Variants in PITPNM2 observed in about 807,000 individuals in gnomAD.
PITPNM2 encodes membrane-associated phosphatidylinositol transfer protein 2.
PITPNM2 carries 35 observed loss-of-function variants against 132.2 expected under a neutral mutation model. That is an observed-to-expected ratio of 0.26 (90% confidence interval 0.20 to 0.35). PITPNM2 has a LOEUF of 0.35. PITPNM2 is among the 10% of genes least tolerant of loss of function. The pLI is 1.00. For synonymous variants in PITPNM2, 738 were observed against 799.2 expected (o/e 0.92, Z 1.29); for missense variants, 1,332 against 1,912.0 (o/e 0.70, Z 5.66).
At chr12:123,038,520 AG>A (rs2136503251) in intron 2 of PITPNM2, among the ~76,000 whole-genome samples, 1 of 152,368 alleles carries the variant, frequency 6.6e-6, no homozygotes, top group East Asian at 1.9e-4. Context: ...AAACAAGATA[AG>A]TTGCTCAGTC....
At chr12:123,107,045 T>C (rs1460559560) in intron 2 of PITPNM2, among the ~76,000 whole-genome samples, 1 of 150,974 alleles carries the variant, frequency 6.6e-6, no homozygotes, top group Non-Finnish European at 1.5e-5. Flanking sequence ...GAGGTGGGGA[T>C]GGGGGTACAG....
In PITPNM2 at chr12:123,005,155, A is replaced by C; in HGVS notation, c.952+85T>G. 6.8e-7 allele frequency: 1 copy of C among 1,460,454 alleles called. No individual in the cohort carries two copies. Among genetic ancestry groups the C allele is most frequent in the African/African-American group, 1.4e-5 (1 of 71,016 alleles). 90.5% of individuals were successfully genotyped at this position (1,460,454 alleles called of 1,614,324 possible). ...TCAATGTCCATGGGAAAGAACTCTGAGGAGGTGCAGTGATCCAGCAGTGTG... is the reference window on the plus strand; with the variant it reads ...TCAATGTCCATGGGAAAGAACTCTGCGGAGGTGCAGTGATCCAGCAGTGTG... On this transcript the variant is annotated intron_variant, in intron 7 of 25. Transcript: ENST00000320201. This position sits in a 1 kb window ranked among gnomAD's most constrained non-coding sequence, Gnocchi z 6.2.
chr12:123,113,017 A>G (rs1407422261), intron 1 of PITPNM2, among the ~76,000 whole-genome samples: 1 of 152,244 alleles, frequency 6.6e-6, no homozygotes, highest in Admixed American at 6.5e-5. Flanking sequence ...CTGTTTCTCT[A>G]TATGATTCCT....
At chr12:123,021,029 C>CAAAAAA (rs910751492) in intron 3 of PITPNM2, among the ~76,000 whole-genome samples, 3 of 25,266 alleles carry the variant, frequency 1.2e-4, no homozygotes, top group Non-Finnish European at 2.9e-4. Context: ...AATTCCATCT[C>CAAAAAA]AAAAAAAAAA....
chr12:123,032,735 G>A (rs1566258222), intron 3 of PITPNM2, among the ~76,000 whole-genome samples: 1 of 152,168 alleles, frequency 6.6e-6, no homozygotes, highest in Non-Finnish European at 1.5e-5. Context: ...CCTTGAACAC[G>A]CTGAGCTATT....
chr12:123,061,299 C>T (rs748210927), intron 2 of PITPNM2, among the ~76,000 whole-genome samples: 3 of 152,226 alleles, frequency 2.0e-5, no homozygotes, highest in Non-Finnish European at 2.9e-5. Flanking sequence ...TGACAAGGCA[C>T]GGTCTATGCA....
intron 1 of PITPNM2, among the ~76,000 whole-genome samples, chr12:123,140,646 T>C (rs1173309184): frequency 6.6e-6 from 1 of 151,940 alleles, no homozygotes; most frequent in African/African-American, 2.4e-5. Flanking sequence ...AGTCTGAACG[T>C]TGTTCTCCCT....
chr12:122,995,349 C>T, intron 14 of PITPNM2, 40 bp downstream of exon 14: 3 of 1,546,600 alleles, frequency 1.9e-6, no homozygotes, highest in Non-Finnish European at 2.6e-6. Context: ...AGCCTCTTCC[C>T]ACACCCAGAG....
In PITPNM2 at chr12:123,009,119, T is replaced by C. The variant is rs1157858206; in HGVS notation, c.643+731A>G. 6.6e-6 allele frequency among the ~76,000 whole-genome samples: 1 copy of C among 152,198 alleles called. No homozygotes were observed. The highest frequency in any genetic ancestry group is 1.5e-5 in the Non-Finnish European group (1 of 68,042). On this transcript the variant is annotated intron_variant, in intron 6 of 25. Coordinates refer to ENST00000320201, the MANE Select transcript of PITPNM2 (RefSeq NM_020845.3). The surrounding 1 kb of genome is among the most constrained non-coding windows in gnomAD (Gnocchi z 4.8). ...ATGTACTGTCAACAGTGTGGCTCTG[T>C]TCAATCTTAAATAAAGTCACCCTTG...
intron 1 of PITPNM2, among the ~76,000 whole-genome samples, chr12:123,122,242 C>T (rs765851407): frequency 6.6e-6 from 1 of 152,166 alleles, no homozygotes. Context: ...GCAGGCAGAT[C>T]GTCTGAGGTC....
In PITPNM2 at chr12:123,022,308, AGGAAGGCCCTTT is replaced by A. The variant is rs1456859313; in HGVS notation, c.79-8278_79-8267del. On this transcript the variant is annotated intron_variant, in intron 3 of 25. Transcript: ENST00000320201. This position sits in a 1 kb window ranked among gnomAD's most constrained non-coding sequence, Gnocchi z 4.9. ...GCCTCTGATCAGGATGCGGCTGCGG[AGGAAGGCCCTTT>A]TCATAGCTATAGGCACCAAGACCGC... is the stretch of plus-strand genomic sequence containing the variant. Among the ~76,000 whole-genome samples the A allele has an allele frequency of 6.6e-6, 1 of 152,120 alleles. No individual in the cohort carries two copies. The highest frequency in any genetic ancestry group is 1.9e-4 in the East Asian group (1 of 5,196).
intron 5 of PITPNM2, among the ~76,000 whole-genome samples, chr12:123,010,381 G>A (rs1308371361): frequency 6.6e-6 from 1 of 152,168 alleles, no homozygotes; most frequent in African/African-American, 2.4e-5. Flanking sequence ...AACGAGCCTG[G>A]CCCCTTGTTG....
chr12:122,987,375 A>G lies in PITPNM2; in HGVS notation c.3319T>C (p.Phe1107Leu). The G allele has an allele frequency of 1.2e-6, 2 of 1,613,498 alleles. No individual in the cohort carries two copies. The highest frequency in any genetic ancestry group is 8.5e-7 in the Non-Finnish European group (1 of 1,179,964). Residue 1107 changes from phenylalanine (F) to leucine (L), a missense_variant, in exon 23 of 26, where the codon TTC (phenylalanine) becomes CTC (leucine). Coordinates refer to ENST00000320201, the MANE Select transcript of PITPNM2 (RefSeq NM_020845.3). The stretch of plus-strand genomic sequence containing the variant: ...GAACCGTCGATGCTGAAGACCACGA[A>G]CTCTGTGCCCTTGGGCAGCACGGTG... ...YITVLPKGTE[F>L]VVFSIDGSFA...
At position 122,990,643 on chromosome 12, in the gene PITPNM2, G is replaced by T; in HGVS notation, c.2471C>A (p.Ala824Asp). The T allele has an allele frequency of 6.2e-7, 1 of 1,612,020 alleles. No individual in the cohort carries two copies. The highest frequency in any genetic ancestry group is 8.5e-7 in the Non-Finnish European group (1 of 1,179,978). ...EHGAPSSPGT[A>D]PASRGFRRAS... ...TCGGCGGAAGCCACGACTGGCAGGG[G>T]CAGTGCCCGGCGAGGAGGGGGCGCC... is the stretch of plus-strand genomic sequence containing the variant. The change falls in exon 17 of 26, where the codon GCC becomes GAC. Residue 824 changes from alanine to aspartate, a missense_variant. Ala to Asp is a moderately radical substitution (Grantham distance 126, BLOSUM62 -2). Transcript: ENST00000320201.
chr12:123,118,768 G>A (rs2042978030), intron 1 of PITPNM2, among the ~76,000 whole-genome samples: 1 of 152,208 alleles, frequency 6.6e-6, no homozygotes, highest in Non-Finnish European at 1.5e-5. Context: ...GAGCTCCTCA[G>A]AGTAATTCTT....
At chr12:123,129,268 T>C (rs922762204) in intron 1 of PITPNM2, among the ~76,000 whole-genome samples, 2 of 150,900 alleles carry the variant, frequency 1.3e-5, no homozygotes, top group African/African-American at 4.9e-5. Flanking sequence ...GTCCTGTCTC[T>C]AAAAAAATTA....
In PITPNM2 at chr12:123,097,598, T is replaced by G. The variant is rs949828656; in HGVS notation, c.-96+12787A>C. ...GGGGAGGGGTTCCAGCAGACTTATT[T>G]ATAGCCAAGCAGCCTGTCCGCACGC... On this transcript the variant is annotated intron_variant, in intron 2 of 25. Coordinates refer to ENST00000320201, the MANE Select transcript of PITPNM2 (RefSeq NM_020845.3). This position sits in a 1 kb window ranked among gnomAD's most constrained non-coding sequence, Gnocchi z 4.7. Among the ~76,000 whole-genome samples, 5 of 152,170 alleles carry G rather than the reference T, an allele frequency of 3.3e-5. No homozygotes were observed. The highest frequency in any genetic ancestry group is 2.6e-4 in the Admixed American group (4 of 15,284).
rs1456770126 is a variant in PITPNM2, at chr12:122,985,409, C to T, written c.*618G>A. Reference sequence around the variant, plus strand: ...GGTCCGGGGTGCAGAAATTAAGATACAGCCTTTCTCTCCTGCTTGCACGAG... The same window carrying T: ...GGTCCGGGGTGCAGAAATTAAGATATAGCCTTTCTCTCCTGCTTGCACGAG... On this transcript the variant is annotated 3_prime_UTR_variant, in exon 26 of 26. Coordinates refer to ENST00000320201, the MANE Select transcript of PITPNM2 (RefSeq NM_020845.3). 1 of 152,416 alleles carries T rather than the reference C, an allele frequency of 6.6e-6. No individual in the cohort carries two copies. The highest frequency in any genetic ancestry group is 1.9e-4 in the East Asian group (1 of 5,156). 9.4% of individuals were successfully genotyped at this position (152,416 alleles called of 1,614,324 possible).
rs1375855475 is a variant in PITPNM2 at position 122,984,207 on chromosome 12, C to G, written c.*1820G>C. 1.3e-5 allele frequency: 2 copies of G among 152,610 alleles called. No homozygotes were observed. Among genetic ancestry groups the G allele is most frequent in the Admixed American group, 6.5e-5 (1 of 15,290 alleles). The allele number at this position is 152,610 out of a possible 1,614,324, so 9.5% of individuals were successfully genotyped here. ...AGGCTGAGCCCACTGCCCACAGGGC[C>G]TCCCGGCCTTTATTGCAGGAGGGCC... On this transcript the variant is annotated 3_prime_UTR_variant, in exon 26 of 26. Coordinates refer to ENST00000320201, the MANE Select transcript of PITPNM2 (RefSeq NM_020845.3).
Sources: gnomAD v4.1 joint callset for allele counts (sites outside exome capture counted in the v4.1 genomes callset) on GRCh38, gnomAD v4.1.1 for gene constraint, Gnocchi (gnomAD v3.1) non-coding constraint, MANE v1.5 for transcripts, NCBI Gene and HGNC (gene_info 2026-07-23, HGNC 2026-07-21) for gene names.